Variants in RPTOR observed in about 807,000 individuals in gnomAD.
RPTOR encodes the protein regulatory associated protein of MTOR complex 1.
In RPTOR, 21 loss-of-function variants were observed where a neutral mutation model predicts 169.9. That is an observed-to-expected ratio of 0.12 (90% CI 0.09 to 0.18). The LOEUF (loss-of-function observed/expected upper bound fraction) is 0.18, where lower values mean the gene tolerates loss of function less well. Ranked by LOEUF, RPTOR falls within the 10% of genes least tolerant of loss-of-function variation. The pLI is 1.00. For synonymous variants in RPTOR, 732 were observed against 753.2 expected (o/e 0.97, Z 0.46); for missense variants, 1,133 against 1,855.9 (o/e 0.61, Z 7.16).
intron 6 of RPTOR, among the ~76,000 whole-genome samples, chr17:80,759,420 A>G (rs1244128040): frequency 1.3e-5 from 2 of 152,138 alleles, no homozygotes; most frequent in Non-Finnish European, 2.9e-5. Flanking sequence ...CAGTTACCAT[A>G]AGAGGGACTT....
intron 13 of RPTOR, among the ~76,000 whole-genome samples, chr17:80,862,272 C>T (rs1221880174): frequency 6.6e-6 from 1 of 152,182 alleles, no homozygotes; most frequent in East Asian, 1.9e-4. Flanking sequence ...AATCATTCCA[C>T]TGAGGGGCAT....
chr17:80,667,921 A>G (rs763641500), intron 3 of RPTOR, among the ~76,000 whole-genome samples: 1 of 152,218 alleles, frequency 6.6e-6, no homozygotes, highest in African/African-American at 2.4e-5. Flanking sequence ...TTAGTGGGAA[A>G]ATCCACAAGG....
intron 21 of RPTOR, among the ~76,000 whole-genome samples, chr17:80,920,483 T>G (rs1454242657): frequency 6.6e-6 from 1 of 152,116 alleles, no homozygotes; most frequent in African/African-American, 2.4e-5. Context: ...TGGTCTCATC[T>G]TATAACCCCA....
chr17:80,960,322 C>T lies in RPTOR; in HGVS notation c.3605+117C>T. The T allele has an allele frequency of 7.1e-7, 1 of 1,400,518 alleles. No individual in the cohort carries two copies. The highest frequency in any genetic ancestry group is 1.3e-5 in the South Asian group (1 of 76,792). The allele number at this position is 1,400,518 out of a possible 1,614,324, so 86.8% of individuals were successfully genotyped here. ...TTTCTCAGTGAGATGCAAAGCTTCC[C>T]CAGGAGCCTGCAGTGGCGTATTTAG... is the stretch of plus-strand genomic sequence containing the variant. On this transcript the variant is annotated intron_variant, in intron 30 of 33. Coordinates refer to ENST00000306801, the MANE Select transcript of RPTOR (RefSeq NM_020761.3). The surrounding 1 kb of genome is among the most constrained non-coding windows in gnomAD (Gnocchi z 4.8).
At chr17:80,643,631 T>C (rs1042243797) in intron 2 of RPTOR, 97 bp from the exon 3 acceptor site, 12 of 839,464 alleles carry the variant, frequency 1.4e-5, no homozygotes, top group Non-Finnish European at 1.5e-5. Flanking sequence ...AAAGGTGACT[T>C]TGAAGTGTGT....
intron 21 of RPTOR, among the ~76,000 whole-genome samples, chr17:80,922,194 C>T (rs1402719621): frequency 6.6e-6 from 1 of 152,248 alleles, no homozygotes; most frequent in Non-Finnish European, 1.5e-5. Flanking sequence ...ACTCCCTGAC[C>T]CTCCGTGAAT....
In RPTOR at chr17:80,880,538, C is replaced by T. The variant is rs764156686; in HGVS notation, c.1584+49C>T. On this transcript the variant is annotated intron_variant, in intron 14 of 33. Coordinates refer to ENST00000306801, the MANE Select transcript of RPTOR (RefSeq NM_020761.3). ...CCACGGGCTTGGGACTCAGCACTCG[C>T]CTCTGCCCACACGCTGCACTGCGGT... 5.2e-6 allele frequency: 8 copies of T among 1,552,972 alleles called. No individual in the cohort carries two copies. The South Asian group carries it at 7.8e-5, about 15-fold the overall frequency.
rs565774877 is a variant in RPTOR at position 80,880,026 on chromosome 17, GGTCTGC to G, written c.1510-388_1510-383del. 5.4e-4 allele frequency among the ~76,000 whole-genome samples: 82 copies of G among 152,310 alleles called. 2 individuals are homozygous for G. In the East Asian group the frequency reaches 0.014, roughly 25 times the overall value. On this transcript the variant is annotated intron_variant, in intron 13 of 33. Coordinates refer to ENST00000306801, the MANE Select transcript of RPTOR (RefSeq NM_020761.3). ...CCCAAGAAAAGCTTGAGCGGGACCG[GGTCTGC>G]ACCAACAGGCTGGTTCTGAGTGAGT...
chr17:80,852,466 C>T (rs890957573), intron 11 of RPTOR, among the ~76,000 whole-genome samples: 2 of 152,086 alleles, frequency 1.3e-5, no homozygotes, highest in African/African-American at 4.8e-5. Context: ...GCGAGCAGTC[C>T]CACGTTCCTT....
chr17:80,670,549 G>A (rs189360519), intron 3 of RPTOR, among the ~76,000 whole-genome samples: 1 of 152,232 alleles, frequency 6.6e-6, no homozygotes, highest in East Asian at 1.9e-4. Flanking sequence ...CTCACACACT[G>A]TGCAGTTTTC....
intron 25 of RPTOR, among the ~76,000 whole-genome samples, chr17:80,945,375 A>C (rs563721130): frequency 6.6e-6 from 1 of 152,132 alleles, no homozygotes; most frequent in Non-Finnish European, 1.5e-5. Context: ...GGCAGATCAC[A>C]AGGTCAGGAG....
At chr17:80,612,678 C>A (rs2065279693) in intron 1 of RPTOR, among the ~76,000 whole-genome samples, 1 of 152,160 alleles carries the variant, frequency 6.6e-6, no homozygotes, top group South Asian at 2.1e-4. Context: ...ACAACCTGGG[C>A]AACATAGCGA....
intron 17 of RPTOR, among the ~76,000 whole-genome samples, chr17:80,888,289 A>G (rs1001607734): frequency 6.6e-6 from 1 of 151,874 alleles, no homozygotes; most frequent in African/African-American, 2.4e-5. Flanking sequence ...TAATTTTTGT[A>G]TTTTTTGTAG....
At chr17:80,808,448 C>T (rs1371339460) in intron 7 of RPTOR, among the ~76,000 whole-genome samples, 3 of 152,068 alleles carry the variant, frequency 2.0e-5, no homozygotes, top group Non-Finnish European at 2.9e-5. Flanking sequence ...AACAGAGTAC[C>T]CTTTAGTACA....
At chr17:80,611,509 T>G (rs2065270608) in intron 1 of RPTOR, among the ~76,000 whole-genome samples, 1 of 152,052 alleles carries the variant, frequency 6.6e-6, no homozygotes, top group South Asian at 2.1e-4. Context: ...TAAAGTGATT[T>G]GCCCAACTCG....
In RPTOR at chr17:80,963,055, TG is replaced by T; in HGVS notation, c.3939+1del. On this transcript the variant is annotated frameshift_variant and splice_region_variant, in exon 33 of 34. Coordinates refer to ENST00000306801, the MANE Select transcript of RPTOR (RefSeq NM_020761.3). LOFTEE classifies it high-confidence loss of function. ...AISCLAFHPH[W>X]PHLAVGSNDY... ...CAGCTGCCTGGCCTTCCACCCGCAC[TG>T]GGTCAGTGTGGCGGTGGGTGGGGGT... The T allele has an allele frequency of 8.8e-7, 1 of 1,132,776 alleles. No homozygotes were observed. 70.2% of individuals were successfully genotyped at this position (1,132,776 alleles called of 1,614,324 possible).
At chr17:80,739,798 T>G (rs1054758132) in intron 5 of RPTOR, among the ~76,000 whole-genome samples, 1 of 152,032 alleles carries the variant, frequency 6.6e-6, no homozygotes, top group Non-Finnish European at 1.5e-5. Flanking sequence ...TGCAGATAAA[T>G]CAGTATTGAA....
At chr17:80,583,857 T>G (rs144329566) in intron 1 of RPTOR, among the ~76,000 whole-genome samples, 1 of 152,174 alleles carries the variant, frequency 6.6e-6, no homozygotes, top group African/African-American at 2.4e-5. Context: ...GTGCTCTTAT[T>G]TGGCCCATGA....
At chr17:80,790,063 C>T (rs2067031708) in intron 6 of RPTOR, among the ~76,000 whole-genome samples, 1 of 152,164 alleles carries the variant, frequency 6.6e-6, no homozygotes, top group Non-Finnish European at 1.5e-5. Context: ...ACCGTAGGAG[C>T]TGCATGTGTC....
Sources: allele counts gnomAD v4.1 joint callset (sites outside exome capture counted in the v4.1 genomes callset), GRCh38; gene constraint gnomAD v4.1.1; non-coding constraint Gnocchi (gnomAD v3.1); transcripts MANE v1.5; gene names NCBI Gene and HGNC (gene_info 2026-07-23, HGNC 2026-07-21).